ARHGAP23: variants seen among roughly 807,000 people sequenced by gnomAD.
ARHGAP23 encodes rho GTPase-activating protein 23.
In ARHGAP23, 34 loss-of-function variants were observed where a neutral mutation model predicts 136.3. That is an observed-to-expected ratio of 0.25 (90% confidence interval 0.19 to 0.33). The LOEUF (loss-of-function observed/expected upper bound fraction) is 0.33. Among genes scored for constraint, ARHGAP23 ranks in the 10% least tolerant of loss-of-function variants. The pLI is 1.00. For missense variants in ARHGAP23, 1,808 were observed against 2,139.0 expected (o/e 0.85, Z 3.05); for synonymous variants, 832 against 920.5 (o/e 0.90, Z 1.74).
chr17:38,424,883 C>T (rs544931236), upstream of ARHGAP23, among the ~76,000 whole-genome samples: 3 of 152,306 alleles, frequency 2.0e-5, no homozygotes, highest in South Asian at 6.2e-4. Context: ...GGACTTCGTG[C>T]CTGGCTTGTC....
At chr17:38,507,276 A>ATAATAATAAT (rs1555599768) in intron 23 of ARHGAP23, among the ~76,000 whole-genome samples, 3 of 136,674 alleles carry the variant, frequency 2.2e-5, no homozygotes, top group Admixed American at 7.4e-5. Context: ...CTCCGTCTCA[A>ATAATAATAAT]AATAATAATA....
At chr17:38,489,466 A>G (rs961026778) in intron 17 of ARHGAP23, among the ~76,000 whole-genome samples, 1 of 144,966 alleles carries the variant, frequency 6.9e-6, no homozygotes, top group African/African-American at 2.6e-5. Context: ...AAATATCCAT[A>G]TGGCCCGCTT....
chr17:38,438,999 GATAC>G (rs1183955529), intron 1 of ARHGAP23, among the ~76,000 whole-genome samples: 4 of 151,268 alleles, frequency 2.6e-5, no homozygotes, highest in Non-Finnish European at 4.4e-5. Flanking sequence ...TAAATAAATA[GATAC>G]ATACATACAT....
In ARHGAP23 at chr17:38,511,410, A is replaced by T. The variant is rs564887264; in HGVS notation, c.*438A>T. The T allele has an allele frequency of 1.2e-5, 2 of 165,180 alleles. No homozygotes were observed. The highest frequency in any genetic ancestry group is 2.6e-5 in the Non-Finnish European group (2 of 77,626). The allele number at this position is 165,180 out of a possible 1,614,324, so 10.2% of individuals were successfully genotyped here. A position where few individuals can be genotyped will look rare whatever the true frequency, so the allele number is the denominator to read the frequency against. On this transcript the variant is annotated 3_prime_UTR_variant, in exon 24 of 24. Coordinates refer to ENST00000622683, the MANE Select transcript of ARHGAP23 (RefSeq NM_001199417.2). The stretch of plus-strand genomic sequence containing the variant: ...CTCCCACCTCAGCTTGTAAGCGGGG[A>T]TGTGTGTATGTCTGGGGAGAGGAGG...
At chr17:38,498,963 C>T (rs768137801) in intron 22 of ARHGAP23, 59 of 690,162 alleles carry the variant, frequency 8.5e-5, no homozygotes, top group Admixed American at 4.9e-4. Context: ...GGGTACAGTG[C>T]GGTGTCGCGG....
At chr17:38,496,822 G>A (rs1471249981) in intron 20 of ARHGAP23, among the ~76,000 whole-genome samples, 5 of 152,182 alleles carry the variant, frequency 3.3e-5, no homozygotes, top group Admixed American at 6.5e-5. Flanking sequence ...GCGTGATGGC[G>A]TGCACCTGTA....
intron 1 of ARHGAP23, among the ~76,000 whole-genome samples, chr17:38,448,050 C>A (rs1014011550): frequency 1.3e-5 from 2 of 152,178 alleles, no homozygotes; most frequent in Non-Finnish European, 2.9e-5. Flanking sequence ...CTGGGAGAGG[C>A]CCCATCCTGG....
At chr17:38,475,109 T>C (rs1415465458) in intron 11 of ARHGAP23, among the ~76,000 whole-genome samples, 2 of 152,190 alleles carry the variant, frequency 1.3e-5, no homozygotes, top group African/African-American at 2.4e-5. Context: ...GGCCTGGACG[T>C]TAGAGGAGAG....
intron 23 of ARHGAP23, among the ~76,000 whole-genome samples, chr17:38,507,089 C>G (rs2040650120): frequency 6.6e-6 from 1 of 152,072 alleles, no homozygotes; most frequent in African/African-American, 2.4e-5. Flanking sequence ...GCCTAGCCAA[C>G]ATGGTGAAAC....
At chr17:38,508,533 C>G (rs2040683292) in intron 23 of ARHGAP23, among the ~76,000 whole-genome samples, 1 of 152,154 alleles carries the variant, frequency 6.6e-6, no homozygotes, top group South Asian at 2.1e-4. Flanking sequence ...CTGAGCAAAG[C>G]TGGGTGAGGA....
Position 38,466,707 on chromosome 17 carries a change from G to A in ARHGAP23, c.1024G>A (p.Gly342Ser). Residue 342 changes from glycine (G) to serine (S), a missense_variant, in exon 7 of 24, where the codon GGC becomes AGC. By Grantham distance (56) the Gly-to-Ser change is moderately conservative. Transcript: ENST00000622683. Reference protein sequence around the residue: ...STSQDALSQLGQEGWHRARSD... With the variant: ...STSQDALSQLSQEGWHRARSD... ...CTCCCAGGATGCTTTGAGCCAGCTG[G>A]GCCAGGAGGGCTGGCACCGAGCTCG... is the stretch of plus-strand genomic sequence containing the variant. 4.6e-6 allele frequency: 7 copies of A among 1,533,466 alleles called. No homozygotes were observed. The highest frequency in any genetic ancestry group is 5.3e-6 in the Non-Finnish European group (6 of 1,139,354). 95.0% of individuals were successfully genotyped at this position (1,533,466 alleles called of 1,614,324 possible).
chr17:38,476,832 C>G (rs1340085476), intron 11 of ARHGAP23, among the ~76,000 whole-genome samples: 2 of 152,194 alleles, frequency 1.3e-5, no homozygotes, highest in Non-Finnish European at 2.9e-5. Context: ...CCATAGCACA[C>G]CCTCCAGCTC....
chr17:38,467,585 C>A (rs1167736318), intron 7 of ARHGAP23, among the ~76,000 whole-genome samples: 1 of 152,168 alleles, frequency 6.6e-6, no homozygotes, highest in Non-Finnish European at 1.5e-5. Context: ...TCCACGCACT[C>A]TTTCTTTTTT....
chr17:38,430,577 G>A (rs1405419336), intron 1 of ARHGAP23, among the ~76,000 whole-genome samples: 1 of 152,186 alleles, frequency 6.6e-6, no homozygotes, highest in East Asian at 1.9e-4. Context: ...TTCTTGATGT[G>A]TAAGGTTAAA....
chr17:38,436,445 G>A (rs1197691772), intron 1 of ARHGAP23, among the ~76,000 whole-genome samples: 1 of 152,154 alleles, frequency 6.6e-6, no homozygotes, highest in African/African-American at 2.4e-5. Context: ...CGTAATTTCA[G>A]CCGGGGGCAG....
chr17:38,462,307 G>A (rs908264458), intron 3 of ARHGAP23, among the ~76,000 whole-genome samples: 8 of 131,578 alleles, frequency 6.1e-5, no homozygotes, highest in Admixed American at 2.7e-4. Context: ...AGGCTGGAGT[G>A]CAGTGGCACA....
At chr17:38,430,664 G>T (rs774354374) in intron 1 of ARHGAP23, among the ~76,000 whole-genome samples, 3 of 152,196 alleles carry the variant, frequency 2.0e-5, no homozygotes, top group Non-Finnish European at 4.4e-5. Flanking sequence ...AGAACTTCTA[G>T]GGAGGGGCTT....
intron 1 of ARHGAP23, among the ~76,000 whole-genome samples, chr17:38,434,250 G>A (rs952622055): frequency 1.3e-5 from 2 of 152,342 alleles, no homozygotes; most frequent in Middle Eastern, 3.4e-3. Context: ...GGCTACTCCC[G>A]GTGGCAAGGA....
At chr17:38,420,025 A>C (rs541965260) in intron 1 of ARHGAP23, among the ~76,000 whole-genome samples, 4 of 152,314 alleles carry the variant, frequency 2.6e-5, no homozygotes, top group African/African-American at 9.6e-5. Flanking sequence ...GCAGAGCTGC[A>C]GCCCCAGCCA....
Sources: allele counts gnomAD v4.1 joint callset (sites outside exome capture counted in the v4.1 genomes callset), GRCh38; gene constraint gnomAD v4.1.1; transcripts MANE v1.5; gene names NCBI Gene and HGNC (gene_info 2026-07-23, HGNC 2026-07-21).